The following ZNF292 variants were observed in gnomAD, a reference collection of about 807,000 sequenced individuals.
ZNF292 encodes 16 zinc-finger domain protein.
In ZNF292, 26 loss-of-function variants were observed where a neutral mutation model predicts 217.9. The observed-to-expected ratio is 0.12, with a 90% CI of 0.09 to 0.17. The LOEUF is 0.17. ZNF292 is among the 10% of genes least tolerant of loss of function. The pLI is 1.00. For missense variants in ZNF292, 2,904 were observed against 3,175.2 expected (o/e 0.91, Z 2.05); for synonymous variants, 1,257 against 1,124.1 (o/e 1.12, Z -2.37).
intron 1 of ZNF292, among the ~76,000 whole-genome samples, chr6:87,196,445 A>G (rs1771955143): frequency 6.6e-6 from 1 of 152,240 alleles, no homozygotes; most frequent in African/African-American, 2.4e-5. Flanking sequence ...ACTGGGAGAC[A>G]GGAAGGCAAC....
chr6:87,250,848 C>G (rs1261805040), intron 7 of ZNF292, among the ~76,000 whole-genome samples: 1 of 152,208 alleles, frequency 6.6e-6, no homozygotes, highest in East Asian at 1.9e-4. Context: ...AAATACATCC[C>G]TGCCTTTAAG....
intron 4 of ZNF292, among the ~76,000 whole-genome samples, chr6:87,224,258 T>A (rs538830175): frequency 1.3e-5 from 2 of 152,188 alleles, no homozygotes; most frequent in Non-Finnish European, 2.9e-5. Flanking sequence ...TTTTCATACA[T>A]TTGTAATATA....
chr6:87,207,108 T>C (rs1041360922), intron 1 of ZNF292, among the ~76,000 whole-genome samples: 1 of 152,212 alleles, frequency 6.6e-6, no homozygotes, highest in Non-Finnish European at 1.5e-5. Flanking sequence ...TGCGTGCGCA[T>C]GTGCATTTTG....
chr6:87,261,107 T>G lies in ZNF292; in HGVS notation c.7478T>G (p.Ile2493Arg). The change falls in exon 8 of 8, where the codon ATA becomes AGA. Residue 2493 changes from isoleucine to arginine, a missense_variant. This residue lies in a region of ZNF292 where 380 missense variants were observed against 355.3 expected (regional missense o/e 1.07). Coordinates refer to ENST00000369577, the MANE Select transcript of ZNF292 (RefSeq NM_015021.3). ...ELTELFITKL[I>R]NEDSTSVETQ... ...ACAGAATTGTTTATTACAAAATTAA[T>G]AAATGAAGATAGCACAAGTGTAGAG... is the stretch of plus-strand genomic sequence containing the variant. 6.2e-7 allele frequency: 1 copy of G among 1,611,434 alleles called. No homozygotes were observed. Among genetic ancestry groups the G allele is most frequent in the Non-Finnish European group, 8.5e-7 (1 of 1,179,024 alleles).
chr6:87,176,401 C>G (rs572521641), intron 1 of ZNF292, among the ~76,000 whole-genome samples: 1 of 152,198 alleles, frequency 6.6e-6, no homozygotes, highest in East Asian at 1.9e-4. Flanking sequence ...CCTGTGTTTT[C>G]AGAGATAAGG....
chr6:87,265,237 C>A lies in ZNF292; in HGVS notation c.*3436C>A, dbSNP rs563257752. 3.2e-3 allele frequency among the ~76,000 whole-genome samples: 485 copies of A among 152,186 alleles called. 2 individuals carry two copies. The highest frequency in any genetic ancestry group is 5.3e-3 in the Non-Finnish European group (359 of 68,000). On this transcript the variant is annotated 3_prime_UTR_variant, in exon 8 of 8. Coordinates refer to ENST00000369577, the MANE Select transcript of ZNF292 (RefSeq NM_015021.3). ...TCAAGTGATTCTCCTGCCTCAGCCT[C>A]CCCAGTAGCTGGGACTACAGATGCA...
intron 1 of ZNF292, among the ~76,000 whole-genome samples, chr6:87,157,098 G>C (rs1770568498): frequency 1.3e-5 from 2 of 151,926 alleles, no homozygotes; most frequent in Admixed American, 1.3e-4. Flanking sequence ...ATTATGTCGG[G>C]GATACGTGAT....
At chr6:87,200,512 G>T (rs1772072993) in intron 1 of ZNF292, among the ~76,000 whole-genome samples, 1 of 152,166 alleles carries the variant, frequency 6.6e-6, no homozygotes, top group African/African-American at 2.4e-5. Context: ...TTAGCAATTA[G>T]GTTAGCATCA....
intron 1 of ZNF292, among the ~76,000 whole-genome samples, chr6:87,160,014 A>G (rs1290979380): frequency 6.6e-6 from 1 of 151,586 alleles, no homozygotes; most frequent in African/African-American, 2.4e-5. Context: ...GGAACCTTTT[A>G]GACTAGTTAA....
intron 1 of ZNF292, among the ~76,000 whole-genome samples, chr6:87,197,722 C>CAAAAAAAAAAAAAAAAAAAAAAA: frequency 1.3e-5 from 1 of 77,310 alleles, no homozygotes; most frequent in Non-Finnish European, 2.4e-5. Context: ...CTCGCTGTTT[C>CAAAAAAAAAAAAAAAAAAAAAAA]AAAAAAAAAA....
At chr6:87,250,798 G>A (rs1304619800) in intron 7 of ZNF292, among the ~76,000 whole-genome samples, 4 of 152,288 alleles carry the variant, frequency 2.6e-5, no homozygotes, top group African/African-American at 9.6e-5. Flanking sequence ...TATTTATATA[G>A]TATACTCTTC....
chr6:87,244,817 T>C (rs1218887170), intron 6 of ZNF292, among the ~76,000 whole-genome samples: 1 of 151,836 alleles, frequency 6.6e-6, no homozygotes, highest in Non-Finnish European at 1.5e-5. Context: ...ATCATGTCAT[T>C]GATTTTTTTT....
At chr6:87,226,215 C>T (rs1773335435) in intron 4 of ZNF292, among the ~76,000 whole-genome samples, 1 of 151,954 alleles carries the variant, frequency 6.6e-6, no homozygotes, top group South Asian at 2.1e-4. Context: ...CTCTTTTTTC[C>T]CCCCAGAACT....
intron 4 of ZNF292, chr6:87,222,879 G>C (rs1562151911): frequency 6.6e-6 from 3 of 452,066 alleles, no homozygotes; most frequent in Non-Finnish European, 1.3e-5. Flanking sequence ...TGACAGTTTT[G>C]AGGAGTACTG....
rs762839535 is a variant in ZNF292, at chr6:87,257,960, C to A, written c.4331C>A (p.Pro1444Gln). ...LQQPQQSTFN[P>Q]EACFKDPSFL... is the part of the protein sequence containing the mutation. ...CAGCCACAACAATCTACCTTCAATC[C>A]AGAAGCATGTTTTAAAGATCCATCA... The change falls in exon 8 of 8, where the codon CCA becomes CAA. Residue 1444 changes from proline (P) to glutamine (Q), a missense_variant. Coordinates refer to ENST00000369577, the MANE Select transcript of ZNF292 (RefSeq NM_015021.3). 6 of 1,613,820 alleles carry A rather than the reference C, an allele frequency of 3.7e-6. No individual in the cohort carries two copies. In the Admixed American group the frequency reaches 6.7e-5, roughly 18 times the overall value.
chr6:87,160,196 T>G (rs1038480271), intron 1 of ZNF292, among the ~76,000 whole-genome samples: 1 of 152,106 alleles, frequency 6.6e-6, no homozygotes. Context: ...ATCACTGAGG[T>G]GAGTACAGTA....
Position 87,257,287 on chromosome 6 carries a change from A to G in ZNF292, c.3658A>G (p.Lys1220Glu), listed in dbSNP as rs1483527489. ...AAATCCAAATATAACTTCTCAGGAT[A>G]AAAATGAACAAGGTGGTATGTTATG... ...VINPNITSQDKNEQGGMLCSQ... is the reference protein window; with the variant it reads ...VINPNITSQDENEQGGMLCSQ... The change falls in exon 8 of 8, where the codon AAA (lysine) becomes GAA (glutamate). Residue 1220 changes from lysine (K) to glutamate (E), a missense_variant. Around this residue, in one of 15 missense-constraint regions of ZNF292, gnomAD observed 687 missense variants for 623.0 expected, o/e 1.10. Transcript: ENST00000369577. The G allele has an allele frequency of 1.2e-6, 2 of 1,613,600 alleles. No individual in the cohort carries two copies. The highest frequency in any genetic ancestry group is 1.7e-5 in the Admixed American group (1 of 59,904).
rs1775572989 is a variant in ZNF292 at position 87,261,187 on chromosome 6, T to TGACAAAAA, written c.7559_7560insACAAAAAG (p.Cys2520Ter). ...TAATGATTTTCAGGAAGATAACCTC[T>TGACAAAAA]GCCAGTCAGAAAGACAAAAAGCAAG... On this transcript the variant is annotated stop_gained and frameshift_variant, in exon 8 of 8. Coordinates refer to ENST00000369577, the MANE Select transcript of ZNF292 (RefSeq NM_015021.3). LOFTEE classifies it high-confidence loss of function. 2 of 1,612,730 alleles carry TGACAAAAA rather than the reference T, an allele frequency of 1.2e-6. No individual in the cohort carries two copies. The highest frequency in any genetic ancestry group is 2.7e-5 in the African/African-American group (2 of 74,830).
Position 87,258,347 on chromosome 6 carries a change from A to G in ZNF292, c.4718A>G (p.Asn1573Ser), listed in dbSNP as rs923761936. ...ECSSLPVFPT[N>S]DLLLKTVENG... ...AGCAGCTTGCCTGTTTTTCCAACGA[A>G]TGACTTACTACTGAAGACTGTTGAA... The change falls in exon 8 of 8, where the codon AAT (asparagine) becomes AGT (serine). Residue 1573 changes from asparagine (N) to serine (S), a missense_variant. Transcript: ENST00000369577. 1.1e-5 allele frequency: 18 copies of G among 1,613,504 alleles called. No homozygotes were observed. The highest frequency in any genetic ancestry group is 1.5e-5 in the Non-Finnish European group (18 of 1,179,774).
Sources: allele counts gnomAD v4.1 joint callset (sites outside exome capture counted in the v4.1 genomes callset), GRCh38; gene constraint gnomAD v4.1.1; regional missense constraint gnomAD v4.1.1; transcripts MANE v1.5; gene names NCBI Gene and HGNC (gene_info 2026-07-23, HGNC 2026-07-21).